INVS: variants seen among roughly 807,000 people sequenced by gnomAD.
INVS encodes inversion of embryo turning homolog.
A neutral mutation model predicts 108.8 loss-of-function variants in INVS; 86 were observed. The ratio of observed to expected loss-of-function variants is 0.79; its 90% CI spans 0.66 to 0.95. INVS has a LOEUF of 0.95. INVS is among the 40% of genes least tolerant of loss of function. INVS has a pLI of 0.00. For synonymous variants in INVS, 455 were observed against 473.5 expected (o/e 0.96, Z 0.51); for missense variants, 1,169 against 1,297.4 (o/e 0.90, Z 1.52).
intron 3 of INVS, among the ~76,000 whole-genome samples, chr9:100,173,852 T>C (rs559339220): frequency 1.3e-5 from 2 of 152,210 alleles, no homozygotes; most frequent in East Asian, 3.9e-4. Flanking sequence ...TAAACATAGA[T>C]GGGGAAAAAT....
intron 3 of INVS, among the ~76,000 whole-genome samples, chr9:100,174,443 C>T (rs941063188): frequency 6.6e-6 from 1 of 151,330 alleles, no homozygotes; most frequent in Non-Finnish European, 1.5e-5. Context: ...AAAAGTGAGT[C>T]TCAGTGATTT....
intron 13 of INVS, among the ~76,000 whole-genome samples, chr9:100,289,152 C>T (rs1833538027): frequency 6.6e-6 from 1 of 152,178 alleles, no homozygotes; most frequent in African/African-American, 2.4e-5. Context: ...TACATTCCAC[C>T]TGGAAACTTC....
chr9:100,180,149 G>A (rs192004261), intron 3 of INVS, among the ~76,000 whole-genome samples: 4 of 152,250 alleles, frequency 2.6e-5, no homozygotes, highest in African/African-American at 9.6e-5. Context: ...AGTGTTTAGA[G>A]GGAAATTTAT....
intron 3 of INVS, among the ~76,000 whole-genome samples, chr9:100,154,792 C>T (rs1828921425): frequency 6.6e-6 from 1 of 152,034 alleles, no homozygotes; most frequent in Admixed American, 6.6e-5. Flanking sequence ...TGAATGAAGA[C>T]TCTTACCTAA....
intron 14 of INVS, 130 bp from the exon 15 acceptor site, chr9:100,296,787 G>A: frequency 1.4e-6 from 1 of 732,684 alleles, no homozygotes; most frequent in Non-Finnish European, 2.4e-6. Flanking sequence ...CCAAAATTAG[G>A]AATGGGAGCT....
chr9:100,239,977 A>G, intron 5 of INVS, 83 bp from the exon 6 acceptor site: 1 of 1,312,920 alleles, frequency 7.6e-7, no homozygotes, highest in African/African-American at 1.5e-5. Flanking sequence ...TCTAAAAAAG[A>G]AAGAAAGAAA....
At chr9:100,161,643 A>G (rs185290822) in intron 3 of INVS, among the ~76,000 whole-genome samples, 16 of 152,140 alleles carry the variant, frequency 1.1e-4, no homozygotes, top group East Asian at 1.9e-4. Flanking sequence ...GGATGGATGG[A>G]TGGGTGGGTG....
intron 7 of INVS, among the ~76,000 whole-genome samples, chr9:100,243,682 T>C (rs964516441): frequency 7.9e-5 from 12 of 152,212 alleles, no homozygotes; most frequent in African/African-American, 2.6e-4. Flanking sequence ...TACATGGGTA[T>C]GCATAGTGAA....
Position 100,240,057 on chromosome 9 carries a change from C to T in INVS, c.616-3C>T. The T allele has an allele frequency of 2.5e-6, 4 of 1,613,548 alleles. No individual in the cohort carries two copies. The highest frequency in any genetic ancestry group is 3.4e-6 in the Non-Finnish European group (4 of 1,179,516). ...TCTGAAGTCTCTGGTTCCTTCAAAT[C>T]AGGATGCTGCTCCAACAGAGTCTTT... On this transcript the variant is annotated splice_region_variant and splice_polypyrimidine_tract_variant and intron_variant, in intron 5 of 16. Coordinates refer to ENST00000262457, the MANE Select transcript of INVS (RefSeq NM_014425.5).
chr9:100,262,091 ATATT>A (rs1832643988), intron 10 of INVS, among the ~76,000 whole-genome samples: 1 of 151,176 alleles, frequency 6.6e-6, no homozygotes, highest in Admixed American at 6.6e-5. Context: ...AGCCCCATAT[ATATT>A]ATGTACTTTT....
At chr9:100,149,858 T>C (rs911950885) in intron 3 of INVS, among the ~76,000 whole-genome samples, 1 of 152,210 alleles carries the variant, frequency 6.6e-6, no homozygotes, top group African/African-American at 2.4e-5. Context: ...TATTATGTGT[T>C]TTCTGTATAC....
chr9:100,100,964 TA>T (rs777746358), intron 1 of INVS, among the ~76,000 whole-genome samples: 20 of 62,366 alleles, frequency 3.2e-4, no homozygotes, highest in African/African-American at 6.0e-4. Context: ...ATTATATATA[TA>T]ATATATATTA....
chr9:100,123,036 G>A (rs1035345005), intron 2 of INVS, among the ~76,000 whole-genome samples: 10 of 151,662 alleles, frequency 6.6e-5, no homozygotes, highest in South Asian at 2.1e-4. Flanking sequence ...CCTCCTTTCC[G>A]TTTCTTGAAT....
chr9:100,131,543 C>T (rs754879000), intron 3 of INVS, among the ~76,000 whole-genome samples: 2 of 152,122 alleles, frequency 1.3e-5, no homozygotes, highest in Non-Finnish European at 2.9e-5. Flanking sequence ...ATTGGTCATA[C>T]CTTTTCTGGG....
At chr9:100,288,287 A>G (rs1262447604) in intron 13 of INVS, among the ~76,000 whole-genome samples, 1 of 152,072 alleles carries the variant, frequency 6.6e-6, no homozygotes, top group Non-Finnish European at 1.5e-5. Flanking sequence ...TTTGCAGCTG[A>G]GTAGCTTTCT....
chr9:100,233,793 C>T (rs943026412), intron 5 of INVS, among the ~76,000 whole-genome samples: 4 of 152,052 alleles, frequency 2.6e-5, no homozygotes, highest in East Asian at 1.9e-4. Context: ...TGAGGATTTT[C>T]GCATTGATGT....
At chr9:100,135,521 CTA>C (rs1427941549) in intron 3 of INVS, among the ~76,000 whole-genome samples, 1 of 152,206 alleles carries the variant, frequency 6.6e-6, no homozygotes, top group Non-Finnish European at 1.5e-5. Flanking sequence ...AATCACTACT[CTA>C]TTCTGCTTAT....
At chr9:100,255,252 G>C (rs1365647507) in intron 10 of INVS, among the ~76,000 whole-genome samples, 1 of 152,136 alleles carries the variant, frequency 6.6e-6, no homozygotes, top group South Asian at 2.1e-4. Flanking sequence ...TGTGATTTTT[G>C]TACATTGATT....
intron 11 of INVS, among the ~76,000 whole-genome samples, chr9:100,268,370 G>A (rs144280322): frequency 5.3e-4 from 81 of 152,190 alleles, no homozygotes; most frequent in African/African-American, 1.9e-3. Flanking sequence ...TCCAGATATC[G>A]GGATATTAGG....
Sources: allele counts gnomAD v4.1 joint callset (sites outside exome capture counted in the v4.1 genomes callset), GRCh38; gene constraint gnomAD v4.1.1; transcripts MANE v1.5; gene names NCBI Gene and HGNC (gene_info 2026-07-23, HGNC 2026-07-21).